Variants in ZDHHC22 observed in about 807,000 individuals in gnomAD.
ZDHHC22 encodes the protein zDHHC palmitoyltransferase 22.
Under a neutral mutation model 17.0 loss-of-function variants are expected in ZDHHC22, and 13 were observed. The observed-to-expected ratio is 0.76, with a 90% CI of 0.50 to 1.21. The LOEUF (loss-of-function observed/expected upper bound fraction) is 1.21, where lower values mean the gene tolerates loss of function less well. Among genes scored for constraint, ZDHHC22 ranks in the 50% most tolerant of loss-of-function variants. The pLI is 0.00. For missense variants in ZDHHC22, 319 were observed against 342.3 expected, an observed-to-expected ratio of 0.93 and a Z score of 0.54; for synonymous variants, 138 against 154.7, an observed-to-expected ratio of 0.89 and a Z score of 0.80.
rs745537293 is a variant in ZDHHC22, at chr14:77,139,535, G to C, written c.204C>G (p.Val68=). Reference sequence around the variant, plus strand: ...CCAGGTCGTCTGGGGAGTTCTGGATGACAAGGACGTAATTGCCCAGGGCGT... The same window carrying C: ...CCAGGTCGTCTGGGGAGTTCTGGATCACAAGGACGTAATTGCCCAGGGCGT... ...SANALGNYVL[V]IQNSPDDLGA... Residue 68 remains valine (V), a synonymous_variant, in exon 2 of 3, where the codon GTC becomes GTG. Transcript: ENST00000319374. 17 of 1,609,168 alleles carry C rather than the reference G, an allele frequency of 1.1e-5. No homozygotes were observed. Among genetic ancestry groups the C allele is most frequent in the Non-Finnish European group, 1.2e-5 (14 of 1,177,866 alleles).
Position 77,131,786 on chromosome 14 carries a change from T to C in ZDHHC22, c.*1897A>G, listed in dbSNP as rs1887031029. On this transcript the variant is annotated 3_prime_UTR_variant, in exon 3 of 3. Coordinates refer to ENST00000319374, the MANE Select transcript of ZDHHC22 (RefSeq NM_174976.2). The stretch of plus-strand genomic sequence containing the variant: ...AAGGTGCCCCTGATGGCATGAATCT[T>C]GTCATCCTGTTCATCACTGCATTGC... 1 of 152,204 alleles carries C rather than the reference T, an allele frequency of 6.6e-6. No individual in the cohort carries two copies. The allele number at this position is 152,204 out of a possible 1,614,324, so 9.4% of individuals were successfully genotyped here.
At position 77,140,779 on chromosome 14, in the gene ZDHHC22, G is replaced by GC. The variant is rs899090810; in HGVS notation, c.-15+823dup. ...GCCAGCCTTTCCTGGGATCGACCCC[G>GC]CCGCCGTGCTCAGCCCTCACCACGT... On this transcript the variant is annotated intron_variant, in intron 1 of 2. Transcript: ENST00000319374. The surrounding 1 kb of genome is among the most constrained non-coding windows in gnomAD (Gnocchi z 5.9). 3 of 152,184 alleles carry GC rather than the reference G, an allele frequency of 2.0e-5. No individual in the cohort carries two copies. The highest frequency in any genetic ancestry group is 2.0e-4 in the Admixed American group (3 of 15,294). The allele number at this position is 152,184 out of a possible 1,614,324, so 9.4% of individuals were successfully genotyped here. A position where few individuals can be genotyped will look rare whatever the true frequency, so the allele number is the denominator to read the frequency against.
In ZDHHC22 at chr14:77,139,750, T is replaced by C. The variant is rs1471861560; in HGVS notation, c.-12A>G. 2 of 1,479,286 alleles carry C rather than the reference T, an allele frequency of 1.4e-6. No homozygotes were observed. The highest frequency in any genetic ancestry group is 1.4e-5 in the African/African-American group (1 of 70,916). 91.6% of individuals were successfully genotyped at this position (1,479,286 alleles called of 1,614,324 possible). ...CGCAGGGCCAGCATCCTCGATTACA[T>C]TCCTGCGGGGCCCGGGGTGAGAAGA... is the stretch of plus-strand genomic sequence containing the variant. On this transcript the variant is annotated splice_region_variant and 5_prime_UTR_variant, in exon 2 of 3. It removes an upstream start codon present in the reference 5' UTR. Transcript: ENST00000319374.
rs747297175 is a variant in ZDHHC22, at chr14:77,139,223, C to G, written c.516G>C (p.Gln172His). 1 of 1,579,880 alleles carries G rather than the reference C, an allele frequency of 6.3e-7. No individual in the cohort carries two copies. The highest frequency in any genetic ancestry group is 1.2e-5 in the South Asian group (1 of 86,122). Residue 172 changes from glutamine to histidine, a missense_variant, in exon 2 of 3, where the codon CAG (glutamine) becomes CAC (histidine). By Grantham distance (24) the Gln-to-His change is conservative. Transcript: ENST00000319374. The part of the protein sequence containing the change: ...FLTLLPTSIS[Q>H]FFSGAVLGSE... ...CCAAGGCCCACTCACCGGAGAAGAA[C>G]TGGCTGATGGAGGTGGGCAGGAGCG...
At chr14:77,138,921 G>A (rs1887187897) in intron 2 of ZDHHC22, among the ~76,000 whole-genome samples, 1 of 152,180 alleles carries the variant, frequency 6.6e-6, no homozygotes, top group Admixed American at 6.5e-5. Flanking sequence ...CAGCATGATG[G>A]ATGAGAATGA....
chr14:77,136,123 G>A (rs1437984099), intron 2 of ZDHHC22, among the ~76,000 whole-genome samples: 1 of 152,178 alleles, frequency 6.6e-6, no homozygotes, highest in Non-Finnish European at 1.5e-5. Context: ...AGGACAAGTA[G>A]CTGCCTCCCT....
In ZDHHC22 at chr14:77,139,681, G is replaced by A; in HGVS notation, c.58C>T (p.Leu20=). The change falls in exon 2 of 3, where the codon CTG becomes TTG. Residue 20 remains leucine, a synonymous_variant. Coordinates refer to ENST00000319374, the MANE Select transcript of ZDHHC22 (RefSeq NM_174976.2). Reference sequence around the variant, plus strand: ...AAGAGCTGCAGCACGAAGGTCACCAGGGAGATGCACAAGAAGTAGGCGGGG... The same window carrying A: ...AAGAGCTGCAGCACGAAGGTCACCAAGGAGATGCACAAGAAGTAGGCGGGG... The part of the protein sequence containing the change: ...VAPAYFLCIS[L]VTFVLQLFLF... 1 of 1,547,158 alleles carries A rather than the reference G, an allele frequency of 6.5e-7. No homozygotes were observed.
Position 77,133,628 on chromosome 14 carries a change from T to C in ZDHHC22, c.*55A>G. On this transcript the variant is annotated 3_prime_UTR_variant, in exon 3 of 3. Coordinates refer to ENST00000319374, the MANE Select transcript of ZDHHC22 (RefSeq NM_174976.2). ...GGGTGGAGACAAGGCTGCCATGGTTTTATGCTCAGGAGGAGTCAAGACAGA... is the reference window on the plus strand; with the variant it reads ...GGGTGGAGACAAGGCTGCCATGGTTCTATGCTCAGGAGGAGTCAAGACAGA... 2.6e-6 allele frequency: 4 copies of C among 1,567,482 alleles called. No homozygotes were observed. The highest frequency in any genetic ancestry group is 3.5e-6 in the Non-Finnish European group (4 of 1,156,134).
Position 77,133,329 on chromosome 14 carries a change from G to A in ZDHHC22, c.*354C>T, listed in dbSNP as rs1566810802. The stretch of plus-strand genomic sequence containing the variant: ...TCCCCTCTCCCAACATGGGGGCTGA[G>A]AGGAAGGGCTCTAGCAGACAGCAGT... On this transcript the variant is annotated 3_prime_UTR_variant, in exon 3 of 3. Transcript: ENST00000319374. The A allele has an allele frequency of 4.8e-6, 1 of 208,782 alleles. No individual in the cohort carries two copies. Among genetic ancestry groups the A allele is most frequent in the African/African-American group, 2.3e-5 (1 of 43,536 alleles). 12.9% of individuals were successfully genotyped at this position (208,782 alleles called of 1,614,324 possible).
rs142042377 is a variant in ZDHHC22 at position 77,132,797 on chromosome 14, A to ATCTCTCTC, written c.*878_*885dup. On this transcript the variant is annotated 3_prime_UTR_variant, in exon 3 of 3. Transcript: ENST00000319374. ...CTAACAACACTTCTCACCACCACCC[A>ATCTCTCTC]TCTCTCTCTCTCTCTCTCTCACACA... 512 of 85,466 alleles carry ATCTCTCTC rather than the reference A, an allele frequency of 6.0e-3. 10 individuals carry two copies. Among genetic ancestry groups the ATCTCTCTC allele is most frequent in the African/African-American group, 0.016 (382 of 23,680 alleles). 5.3% of individuals were successfully genotyped at this position (85,466 alleles called of 1,614,324 possible). A position where few individuals can be genotyped will look rare whatever the true frequency, so the allele number is the denominator to read the frequency against.
chr14:77,139,437 G>T lies in ZDHHC22; in HGVS notation c.302C>A (p.Ala101Asp). Residue 101 changes from alanine (A) to aspartate (D), a missense_variant, in exon 2 of 3, where the codon GCC becomes GAC. By Grantham distance (126) the Ala-to-Asp change is moderately radical. Coordinates refer to ENST00000319374, the MANE Select transcript of ZDHHC22 (RefSeq NM_174976.2). ...SPSTHFCRVC[A>D]RVTLRHDHHC... Reference sequence around the variant, plus strand: ...ATGGTCGTGCCTCAGGGTGACTCTGGCGCACACTCGGCAGAAGTGGGTGCT... The same window carrying T: ...ATGGTCGTGCCTCAGGGTGACTCTGTCGCACACTCGGCAGAAGTGGGTGCT... 6.2e-7 allele frequency: 1 copy of T among 1,612,662 alleles called. No individual in the cohort carries two copies. The highest frequency in any genetic ancestry group is 8.5e-7 in the Non-Finnish European group (1 of 1,179,438).
chr14:77,138,461 G>C (rs1367921491), intron 2 of ZDHHC22, among the ~76,000 whole-genome samples: 1 of 152,168 alleles, frequency 6.6e-6, no homozygotes, highest in East Asian at 1.9e-4. Flanking sequence ...GGGAGGTTGA[G>C]GCAAGAGAAT....
In ZDHHC22 at chr14:77,140,002, G is replaced by A. The variant is rs1210066909; in HGVS notation, c.-14-250C>T. Among the ~76,000 whole-genome samples the A allele has an allele frequency of 6.6e-6, 1 of 152,186 alleles. No individual in the cohort carries two copies. The highest frequency in any genetic ancestry group is 1.5e-5 in the Non-Finnish European group (1 of 68,024). On this transcript the variant is annotated intron_variant, in intron 1 of 2. Coordinates refer to ENST00000319374, the MANE Select transcript of ZDHHC22 (RefSeq NM_174976.2). This position sits in a 1 kb window ranked among gnomAD's most constrained non-coding sequence, Gnocchi z 5.9. ...GCCTGGGGTTTTGAGCGAGCTCGGC[G>A]CCTTGGCGCGGCAGAGTCTGGCACA...
chr14:77,134,966 A>C (rs1386215021), intron 2 of ZDHHC22, among the ~76,000 whole-genome samples: 1 of 152,238 alleles, frequency 6.6e-6, no homozygotes, highest in Non-Finnish European at 1.5e-5. Context: ...GTCATTTTAC[A>C]GAGCAGGAGA....
In ZDHHC22 at chr14:77,140,231, CT is replaced by C. The variant is rs2140055334; in HGVS notation, c.-14-480del. On this transcript the variant is annotated intron_variant, in intron 1 of 2. Coordinates refer to ENST00000319374, the MANE Select transcript of ZDHHC22 (RefSeq NM_174976.2). The surrounding 1 kb of genome is among the most constrained non-coding windows in gnomAD (Gnocchi z 5.9). ...GACCTGCTGGAAATCCTGCTTCACACTCCCCTTTCTCCGTCCCTGCGTCCCC... is the reference window on the plus strand; with the variant it reads ...GACCTGCTGGAAATCCTGCTTCACACCCCCTTTCTCCGTCCCTGCGTCCCC... Among the ~76,000 whole-genome samples the C allele has an allele frequency of 6.6e-6, 1 of 152,270 alleles. No individual in the cohort carries two copies. The highest frequency in any genetic ancestry group is 1.9e-4 in the East Asian group (1 of 5,164).
intron 2 of ZDHHC22, among the ~76,000 whole-genome samples, chr14:77,135,503 A>C (rs1448514220): frequency 6.6e-6 from 1 of 151,950 alleles, no homozygotes; most frequent in African/African-American, 2.4e-5. Flanking sequence ...AGCTGGGGAC[A>C]GATAGGCCCA....
At position 77,132,956 on chromosome 14, in the gene ZDHHC22, C is replaced by T. The variant is rs942121520; in HGVS notation, c.*727G>A. 1 of 152,038 alleles carries T rather than the reference C, an allele frequency of 6.6e-6. No homozygotes were observed. The highest frequency in any genetic ancestry group is 1.5e-5 in the Non-Finnish European group (1 of 68,072). 9.4% of individuals were successfully genotyped at this position (152,038 alleles called of 1,614,324 possible). On this transcript the variant is annotated 3_prime_UTR_variant, in exon 3 of 3. Coordinates refer to ENST00000319374, the MANE Select transcript of ZDHHC22 (RefSeq NM_174976.2). Reference sequence around the variant, plus strand: ...TGGCAAAGACCTGGGGGCTGGAGATCAAGTAGAAAGGCTGGAAGAGTTCCA... The same window carrying T: ...TGGCAAAGACCTGGGGGCTGGAGATTAAGTAGAAAGGCTGGAAGAGTTCCA...
At position 77,139,506 on chromosome 14, in the gene ZDHHC22, G is replaced by A. The variant is rs1381096968; in HGVS notation, c.233C>T (p.Ala78Val). 2 of 1,612,060 alleles carry A rather than the reference G, an allele frequency of 1.2e-6. No individual in the cohort carries two copies. Among genetic ancestry groups the A allele is most frequent in the Admixed American group, 3.3e-5 (2 of 59,712 alleles). ...CTTCCTGGCCGAGGCCCCCTGGCAGGCCCCCAGGTCGTCTGGGGAGTTCTG... is the reference window on the plus strand; with the variant it reads ...CTTCCTGGCCGAGGCCCCCTGGCAGACCCCCAGGTCGTCTGGGGAGTTCTG... ...VIQNSPDDLG[A>V]CQGASARKTP... is the part of the protein sequence containing the mutation. The change falls in exon 2 of 3, where the codon GCC (alanine) becomes GTC (valine). Residue 78 changes from alanine (A) to valine (V), a missense_variant. Ala to Val is a moderately conservative substitution (Grantham distance 64). Coordinates refer to ENST00000319374, the MANE Select transcript of ZDHHC22 (RefSeq NM_174976.2).
rs1371450951 is a variant in ZDHHC22 at position 77,131,699 on chromosome 14, C to A, written c.*1984G>T. On this transcript the variant is annotated 3_prime_UTR_variant, in exon 3 of 3. Coordinates refer to ENST00000319374, the MANE Select transcript of ZDHHC22 (RefSeq NM_174976.2). ...TTTCCAAATGACCTGCCCCACCAAC[C>A]ACCAAGATGGCAGAGTGACCATTTT... 3 of 152,240 alleles carry A rather than the reference C, an allele frequency of 2.0e-5. No homozygotes were observed. Among genetic ancestry groups the A allele is most frequent in the Non-Finnish European group, 4.4e-5 (3 of 68,060 alleles). The allele number at this position is 152,240 out of a possible 1,614,324, so 9.4% of individuals were successfully genotyped here. A position where few individuals can be genotyped will look rare whatever the true frequency, so the allele number is the denominator to read the frequency against.
Sources: gnomAD v4.1 joint callset for allele counts (sites outside exome capture counted in the v4.1 genomes callset) on GRCh38, gnomAD v4.1.1 for gene constraint, Gnocchi (gnomAD v3.1) non-coding constraint, MANE v1.5 for transcripts, NCBI Gene and HGNC (gene_info 2026-07-23, HGNC 2026-07-21) for gene names.